Variants in MPRIP observed in about 807,000 individuals in gnomAD.
MPRIP encodes the protein myosin phosphatase Rho interacting protein.
In MPRIP, 59 loss-of-function variants were observed where a neutral mutation model predicts 234.9. The ratio of observed to expected loss-of-function variants is 0.25; its 90% confidence interval spans 0.20 to 0.31. The LOEUF (loss-of-function observed/expected upper bound fraction) is 0.31. MPRIP is among the 10% of genes least tolerant of loss of function. The probability of loss-of-function intolerance (pLI) is 1.00; values close to 1 mark genes in which losing one functional copy is unlikely to be tolerated. For synonymous variants in MPRIP, 1,144 were observed against 1,263.9 expected (o/e 0.91, Z 2.01); for missense variants, 2,436 against 3,071.0 (o/e 0.79, Z 4.89).
intron 3 of MPRIP, among the ~76,000 whole-genome samples, chr17:17,090,531 C>T (rs1198661028): frequency 4.7e-4 from 71 of 152,088 alleles, no homozygotes; most frequent in Non-Finnish European, 8.8e-5. Context: ...TGTTGGGGTT[C>T]ATCAGTGGTG....
chr17:17,141,024 A>C (rs2090804264), intron 7 of MPRIP, among the ~76,000 whole-genome samples: 1 of 152,106 alleles, frequency 6.6e-6, no homozygotes, highest in African/African-American at 2.4e-5. Context: ...CTGTGGTCTT[A>C]CAGGATCTCC....
chr17:17,143,806 C>T, intron 9 of MPRIP, 137 bp downstream of exon 9: 1 of 468,110 alleles, frequency 2.1e-6, no homozygotes. Flanking sequence ...AGCACCCCCA[C>T]CCACCGACCC....
In MPRIP at chr17:17,138,233, C is replaced by A; in HGVS notation, c.1054C>A (p.Arg352=). Residue 352 remains arginine, a synonymous_variant, in exon 7 of 24, where the codon CGG becomes AGG. Transcript: ENST00000651222. The surrounding 1 kb of genome is among the most constrained non-coding windows in gnomAD (Gnocchi z 5.8). ...AYVDSGSTRG[R]GTERLGSAFA... is the part of the protein sequence containing the mutation. ...CGTGGACTCTGGCAGCACTAGGGGG[C>A]GGGGGACAGAGAGACTGGGGAGCGC... 1.6e-6 allele frequency: 1 copy of A among 637,122 alleles called. No individual in the cohort carries two copies. Among genetic ancestry groups the A allele is most frequent in the Non-Finnish European group, 2.5e-6 (1 of 392,798 alleles). The allele number at this position is 637,122 out of a possible 1,614,324, so 39.5% of individuals were successfully genotyped here.
At chr17:17,096,993 A>G (rs1008460178) in intron 3 of MPRIP, 2 of 337,428 alleles carry the variant, frequency 5.9e-6, no homozygotes, top group African/African-American at 4.3e-5. Context: ...CTGCCCGGCT[A>G]TCGTAGCCAG....
intron 3 of MPRIP, among the ~76,000 whole-genome samples, chr17:17,092,332 G>GTGGC (rs2089738510): frequency 6.6e-6 from 1 of 152,232 alleles, no homozygotes; most frequent in Non-Finnish European, 1.5e-5. Context: ...GGGAAGGGGA[G>GTGGC]TGGCTGTGAA....
At chr17:17,155,019 A>G (rs2045696145) in intron 13 of MPRIP, among the ~76,000 whole-genome samples, 1 of 152,328 alleles carries the variant, frequency 6.6e-6, no homozygotes, top group South Asian at 2.1e-4. Flanking sequence ...TCTAAAACAA[A>G]ACAAAACAAA....
intron 5 of MPRIP, among the ~76,000 whole-genome samples, chr17:17,132,826 A>G (rs1373876999): frequency 1.4e-4 from 22 of 152,256 alleles, no homozygotes; most frequent in Non-Finnish European, 2.9e-5. Flanking sequence ...CGAAAAATAC[A>G]GAGTGGTTCC....
chr17:17,073,139 A>T lies in MPRIP; in HGVS notation c.124-2571A>T, dbSNP rs1304701190. Reference sequence around the variant, plus strand: ...GGCAGCCACTCCTCTGCTCTCTATCACTCTGGAATTGCTTTGATGAACGCT... The same window carrying T: ...GGCAGCCACTCCTCTGCTCTCTATCTCTCTGGAATTGCTTTGATGAACGCT... On this transcript the variant is annotated intron_variant, in intron 1 of 23. Coordinates refer to ENST00000651222, the MANE Select transcript of MPRIP (RefSeq NM_001364716.4). Among the ~76,000 whole-genome samples, 6 of 150,702 alleles carry T rather than the reference A, an allele frequency of 4.0e-5. No homozygotes were observed. The East Asian group carries it at 9.8e-4, about 25-fold the overall frequency.
chr17:17,105,444 C>G (rs560806394), intron 3 of MPRIP, among the ~76,000 whole-genome samples: 10 of 152,320 alleles, frequency 6.6e-5, no homozygotes, highest in African/African-American at 2.2e-4. Flanking sequence ...CCTCCATTCC[C>G]CCGTGCTCCT....
intron 1 of MPRIP, among the ~76,000 whole-genome samples, chr17:17,052,658 G>C (rs930543346): frequency 2.6e-5 from 4 of 152,204 alleles, no homozygotes; most frequent in Admixed American, 2.6e-4. Context: ...TGTGTGGTGG[G>C]GCGTGTGTGT....
At chr17:17,057,147 C>G (rs1204895802) in intron 1 of MPRIP, among the ~76,000 whole-genome samples, 1 of 152,222 alleles carries the variant, frequency 6.6e-6, no homozygotes, top group Non-Finnish European at 1.5e-5. Flanking sequence ...AGCCACATGT[C>G]AGCCCTGCAG....
chr17:17,063,476 G>A (rs748101184), intron 1 of MPRIP, among the ~76,000 whole-genome samples: 1 of 152,296 alleles, frequency 6.6e-6, no homozygotes, highest in East Asian at 1.9e-4. Flanking sequence ...CCATGGAATA[G>A]AAGATGTTTG....
Position 17,165,975 on chromosome 17 carries a change from G to A in MPRIP, c.4384G>A (p.Val1462Ile), listed in dbSNP as rs1219021558. The change falls in exon 16 of 24, where the codon GTT (valine) becomes ATT (isoleucine). Residue 1462 changes from valine to isoleucine, a missense_variant. By Grantham distance (29) the Val-to-Ile change is conservative (BLOSUM62 3). Transcript: ENST00000651222. ...GAGGGCCAGGAGGGTTGAAGGGCAT[G>A]TTGGAGAGCTTGGGGACTTCCAGGT... The part of the protein sequence containing the change: ...QERARRVEGH[V>I]GELGDFQVKN... The A allele has an allele frequency of 5.4e-6, 7 of 1,304,212 alleles. No individual in the cohort carries two copies. The East Asian group carries it at 2.8e-4, about 52-fold the overall frequency. 80.8% of individuals were successfully genotyped at this position (1,304,212 alleles called of 1,614,324 possible).
chr17:17,075,206 CAA>C (rs755922121), intron 1 of MPRIP, among the ~76,000 whole-genome samples: 1 of 152,136 alleles, frequency 6.6e-6, no homozygotes. Context: ...AGTTTGAACT[CAA>C]AGAGTTTCTG....
intron 1 of MPRIP, among the ~76,000 whole-genome samples, chr17:17,044,448 A>G (rs1406162542): frequency 6.6e-6 from 1 of 152,076 alleles, no homozygotes; most frequent in African/African-American, 2.4e-5. Context: ...TAATTTCCTT[A>G]TCTGTAAATT....
chr17:17,125,116 C>A (rs1372053214), intron 3 of MPRIP, among the ~76,000 whole-genome samples: 1 of 152,242 alleles, frequency 6.6e-6, no homozygotes, highest in Non-Finnish European at 1.5e-5. Flanking sequence ...ATCTCCCTTT[C>A]CTGGCTCCTT....
At chr17:17,102,087 T>C (rs754641711) in intron 3 of MPRIP, among the ~76,000 whole-genome samples, 1 of 152,068 alleles carries the variant, frequency 6.6e-6, no homozygotes, top group Non-Finnish European at 1.5e-5. Flanking sequence ...AGGATCTCCC[T>C]ATGTTGCCCA....
intron 3 of MPRIP, among the ~76,000 whole-genome samples, chr17:17,081,023 A>G (rs1195568870): frequency 1.3e-5 from 2 of 152,150 alleles, no homozygotes; most frequent in Non-Finnish European, 2.9e-5. Flanking sequence ...TGATGTTGCA[A>G]AGCAATCCCT....
chr17:17,109,695 G>C (rs1180730763), intron 3 of MPRIP, among the ~76,000 whole-genome samples: 1 of 152,140 alleles, frequency 6.6e-6, no homozygotes, highest in Non-Finnish European at 1.5e-5. Flanking sequence ...TCCAGATCTT[G>C]ATTTTTAATG....
Sources: gnomAD v4.1 joint callset for allele counts (sites outside exome capture counted in the v4.1 genomes callset) on GRCh38, gnomAD v4.1.1 for gene constraint, Gnocchi (gnomAD v3.1) non-coding constraint, MANE v1.5 for transcripts, NCBI Gene and HGNC (gene_info 2026-07-23, HGNC 2026-07-21) for gene names.